The following GFRA2 variants were observed in gnomAD, a reference collection of about 807,000 sequenced individuals.
GFRA2 encodes the protein GDNF family receptor alpha 2.
GFRA2 carries 17 observed loss-of-function variants against 48.3 expected under a neutral mutation model. The ratio of observed to expected loss-of-function variants is 0.35; its 90% confidence interval spans 0.24 to 0.53. GFRA2 has a LOEUF of 0.53. GFRA2 is among the 20% of genes least tolerant of loss of function. GFRA2 has a pLI of 0.93. For synonymous variants in GFRA2, 305 were observed against 257.2 expected (o/e 1.19, Z -1.78); for missense variants, 660 against 637.3 (o/e 1.04, Z -0.38).
At chr8:21,777,787 G>C (rs1481089965) in intron 2 of GFRA2, among the ~76,000 whole-genome samples, 1 of 152,148 alleles carries the variant, frequency 6.6e-6, no homozygotes, top group African/African-American at 2.4e-5. Context: ...TCGGGGCCCT[G>C]GGACCCACTC....
intron 3 of GFRA2, among the ~76,000 whole-genome samples, chr8:21,770,675 C>T (rs1039700221): frequency 6.6e-6 from 1 of 152,224 alleles, no homozygotes; most frequent in Non-Finnish European, 1.5e-5. Flanking sequence ...AGACACAGTG[C>T]CTGATGACAG....
intron 1 of GFRA2, among the ~76,000 whole-genome samples, chr8:21,787,271 GCA>G (rs1411941283): frequency 0.044 from 5,161 of 116,408 alleles, 87 homozygotes; most frequent in East Asian, 0.053. Context: ...GGCGGGGGGG[GCA>G]GTGGGGGGGG....
rs576861958 is a variant in GFRA2, at chr8:21,758,749, T to C, written c.440-7807A>G. ...CCCACCCAACACACCAGTGCAAGAC[T>C]CTCAGGGATGGAGGGCCAGGGAAAG... On this transcript the variant is annotated intron_variant, in intron 3 of 8. Transcript: ENST00000524240. 1.1e-3 allele frequency among the ~76,000 whole-genome samples: 169 copies of C among 152,228 alleles called. 1 individual carries two copies. The highest frequency in any genetic ancestry group is 1.5e-3 in the Non-Finnish European group (105 of 68,002).
At position 21,692,951 on chromosome 8, in the gene GFRA2, T is replaced by A. The variant is rs1801943982; in HGVS notation, c.*327A>T. The A allele has an allele frequency of 5.8e-6, 1 of 173,526 alleles. No homozygotes were observed. The highest frequency in any genetic ancestry group is 1.2e-5 in the Non-Finnish European group (1 of 81,900). The allele number at this position is 173,526 out of a possible 1,614,324, so 10.7% of individuals were successfully genotyped here. On this transcript the variant is annotated 3_prime_UTR_variant, in exon 9 of 9. Coordinates refer to ENST00000524240, the MANE Select transcript of GFRA2 (RefSeq NM_001495.5). ...GAGTCCCTTCCGCTGCAGGCTCTTG[T>A]CCGGTCTCTGCTTCAGAAGGGTCCA...
At chr8:21,694,070 T>C (rs574595000) in intron 8 of GFRA2, among the ~76,000 whole-genome samples, 1,786 of 114,504 alleles carry the variant, frequency 0.016, 114 homozygotes, top group African/African-American at 0.061. Context: ...TATATATTTA[T>C]TTATTTTTAT....
At chr8:21,803,119 G>A (rs1807800559) in intron 2 of GFRA2, among the ~76,000 whole-genome samples, 1 of 152,214 alleles carries the variant, frequency 6.6e-6, no homozygotes, top group Non-Finnish European at 1.5e-5. Flanking sequence ...CATGTTCAAT[G>A]TACTTTGGCA....
intron 3 of GFRA2, among the ~76,000 whole-genome samples, chr8:21,754,577 C>T (rs754066963): frequency 6.8e-6 from 1 of 146,008 alleles, no homozygotes; most frequent in Non-Finnish European, 1.5e-5. Flanking sequence ...GGTGTGATCG[C>T]GGCTCACTGC....
chr8:21,701,482 G>C (rs1802476275), intron 7 of GFRA2, among the ~76,000 whole-genome samples: 1 of 152,244 alleles, frequency 6.6e-6, no homozygotes, highest in Non-Finnish European at 1.5e-5. Context: ...GAAGCCTGGA[G>C]AGTGGTAGAG....
At chr8:21,770,093 C>G (rs994158048) in intron 3 of GFRA2, among the ~76,000 whole-genome samples, 9 of 152,224 alleles carry the variant, frequency 5.9e-5, no homozygotes, top group Non-Finnish European at 8.8e-5. Context: ...TGGCCGTCCC[C>G]ACCCAAGACT....
intron 3 of GFRA2, among the ~76,000 whole-genome samples, chr8:21,773,825 AG>A (rs1806555718): frequency 6.6e-6 from 1 of 152,156 alleles, no homozygotes; most frequent in Admixed American, 6.5e-5. Flanking sequence ...TGTGCCCCCC[AG>A]GGGACATCTG....
chr8:21,795,266 A>G (rs1807646977), intron 2 of GFRA2, among the ~76,000 whole-genome samples: 1 of 152,208 alleles, frequency 6.6e-6, no homozygotes, highest in Admixed American at 6.5e-5. Context: ...TTCCACATCC[A>G]TGATCTTGAA....
At chr8:21,808,039 TC>T (rs1290531367) in intron 1 of GFRA2, among the ~76,000 whole-genome samples, 1 of 152,212 alleles carries the variant, frequency 6.6e-6, no homozygotes, top group Non-Finnish European at 1.5e-5. Flanking sequence ...TGTCAGGGCT[TC>T]CACATATGAA....
chr8:21,787,705 G>A (rs1030986464), intron 1 of GFRA2, among the ~76,000 whole-genome samples: 1 of 152,216 alleles, frequency 6.6e-6, no homozygotes, highest in East Asian at 1.9e-4. Flanking sequence ...GACCCCGCAG[G>A]ACTGTTCTCT....
intron 2 of GFRA2, among the ~76,000 whole-genome samples, chr8:21,794,265 C>T (rs1320896296): frequency 4.5e-5 from 3 of 65,952 alleles, no homozygotes; most frequent in African/African-American, 1.7e-4. Context: ...TTTTTTGAAA[C>T]GGAGTCTCAC....
intron 7 of GFRA2, among the ~76,000 whole-genome samples, chr8:21,697,112 AGGGG>A (rs1270019088): frequency 4.4e-5 from 6 of 136,652 alleles, no homozygotes; most frequent in Non-Finnish European, 7.9e-5. Flanking sequence ...GACAGAGGAG[AGGGG>A]AGGGGAGAGA....
intron 4 of GFRA2, among the ~76,000 whole-genome samples, chr8:21,729,422 G>A (rs1447109154): frequency 6.6e-6 from 1 of 152,108 alleles, no homozygotes; most frequent in Non-Finnish European, 1.5e-5. Context: ...AGGCCCACAG[G>A]GAGTGGCTGA....
In GFRA2 at chr8:21,775,981, C is replaced by A. The variant is rs921529826; in HGVS notation, c.356-926G>T. Reference sequence around the variant, plus strand: ...GTGAGGGGAAATTGATGGCTCACCACTCATCCTCTGTGTGTGTGTGTGTGT... The same window carrying A: ...GTGAGGGGAAATTGATGGCTCACCAATCATCCTCTGTGTGTGTGTGTGTGT... On this transcript the variant is annotated intron_variant, in intron 2 of 8. Transcript: ENST00000524240. Among the ~76,000 whole-genome samples the A allele has an allele frequency of 3.7e-3, 526 of 143,606 alleles. 2 individuals carry two copies. The highest frequency in any genetic ancestry group is 0.013 in the African/African-American group (504 of 37,964). 94.2% of individuals were successfully genotyped at this position (143,606 alleles called of 152,430 possible). A position where few individuals can be genotyped will look rare whatever the true frequency, so the allele number is the denominator to read the frequency against.
intron 3 of GFRA2, among the ~76,000 whole-genome samples, chr8:21,771,337 A>C (rs936771060): frequency 2.0e-5 from 3 of 152,148 alleles, no homozygotes; most frequent in African/African-American, 4.8e-5. Flanking sequence ...AACAGGACAA[A>C]ACTCACTTCC....
chr8:21,748,618 T>C (rs866563119), intron 4 of GFRA2, among the ~76,000 whole-genome samples: 41 of 152,338 alleles, frequency 2.7e-4, no homozygotes, highest in Middle Eastern at 3.4e-3. Flanking sequence ...CTGAAATGTA[T>C]GGTTGTGTGA....
Sources: allele counts gnomAD v4.1 joint callset (sites outside exome capture counted in the v4.1 genomes callset), GRCh38; gene constraint gnomAD v4.1.1; transcripts MANE v1.5; gene names NCBI Gene and HGNC (gene_info 2026-07-23, HGNC 2026-07-21).